KIF2A: variants seen among roughly 807,000 people sequenced by gnomAD.
The protein encoded by KIF2A is kinesin family member 2A.
Under a neutral mutation model 100.2 loss-of-function variants are expected in KIF2A, and 22 were observed. The ratio of observed to expected loss-of-function variants is 0.22; its 90% confidence interval spans 0.16 to 0.31. The LOEUF is 0.31. Ranked by LOEUF, KIF2A falls within the 10% of genes least tolerant of loss-of-function variation. The pLI is 1.00. For missense variants in KIF2A, 495 were observed against 898.7 expected, an observed-to-expected ratio of 0.55 and a Z score of 5.74; for synonymous variants, 268 against 285.9, an observed-to-expected ratio of 0.94 and a Z score of 0.63.
intron 1 of KIF2A, among the ~76,000 whole-genome samples, chr5:62,338,787 A>G (rs1747116120): frequency 6.6e-6 from 1 of 152,194 alleles, no homozygotes; most frequent in South Asian, 2.1e-4. Context: ...TGTAGAAAAT[A>G]TTTGCTATAC....
intron 1 of KIF2A, among the ~76,000 whole-genome samples, chr5:62,322,979 G>A (rs927168310): frequency 2.8e-5 from 4 of 143,368 alleles, no homozygotes; most frequent in East Asian, 2.0e-4. Flanking sequence ...TGAGAAAGCC[G>A]GGCGCAGTGA....
At chr5:62,368,743 C>G (rs1166310653) in intron 16 of KIF2A, among the ~76,000 whole-genome samples, 3 of 151,442 alleles carry the variant, frequency 2.0e-5, no homozygotes. Context: ...CACCACTGCA[C>G]TCTAGCCTGG....
chr5:62,387,874 G>A lies in KIF2A; in HGVS notation c.*2305G>A, dbSNP rs1742112328. ...TAGTAACATTTACTATGACTTTGAA[G>A]CCAGATTTCAAAATCTGGCTTTGTT... On this transcript the variant is annotated 3_prime_UTR_variant, in exon 21 of 21. Transcript: ENST00000407818. 6.6e-6 allele frequency: 1 copy of A among 151,888 alleles called. No homozygotes were observed. The highest frequency in any genetic ancestry group is 2.1e-4 in the South Asian group (1 of 4,818). The allele number at this position is 151,888 out of a possible 1,614,324, so 9.4% of individuals were successfully genotyped here.
chr5:62,339,270 A>AGCACTCATCACCAAGGGGATGGT (rs72438686), intron 1 of KIF2A, among the ~76,000 whole-genome samples: 20 of 150,918 alleles, frequency 1.3e-4, no homozygotes, highest in South Asian at 8.4e-4. Context: ...TCATGAGGAC[A>AGCACTCATCACCAAGGGGATGGT]GCACTCATCA....
rs1215736178 is a variant in KIF2A at position 62,390,296 on chromosome 5, A to C, written c.*4727A>C. Among the ~76,000 whole-genome samples, 1 of 152,212 alleles carries C rather than the reference A, an allele frequency of 6.6e-6. No homozygotes were observed. The highest frequency in any genetic ancestry group is 2.4e-5 in the African/African-American group (1 of 41,446). Reference sequence around the variant, plus strand: ...TTCATAAGACTTACTTGCTTAATTCAAGCAAAACAAATTTTGGTCTAAATT... The same window carrying C: ...TTCATAAGACTTACTTGCTTAATTCCAGCAAAACAAATTTTGGTCTAAATT... On this transcript the variant is annotated 3_prime_UTR_variant, in exon 21 of 21. Transcript: ENST00000407818.
chr5:62,339,047 T>G (rs1300731880), intron 1 of KIF2A, among the ~76,000 whole-genome samples: 1 of 152,230 alleles, frequency 6.6e-6, no homozygotes, highest in East Asian at 1.9e-4. Flanking sequence ...TACTGTGTGT[T>G]AGGCCCATCT....
At chr5:62,336,391 A>G (rs1028498815) in intron 1 of KIF2A, among the ~76,000 whole-genome samples, 1 of 152,196 alleles carries the variant, frequency 6.6e-6, no homozygotes, top group Non-Finnish European at 1.5e-5. Flanking sequence ...TGGTAGAAAT[A>G]CAGGGGTATT....
Position 62,353,520 on chromosome 5 carries a change from T to A in KIF2A, c.558+145T>A, listed in dbSNP as rs6886044. ...CTTAAATTGATATTGAGGAATAATATAAACTCTTGTGCAAATAAGTTACCG... is the reference window on the plus strand; with the variant it reads ...CTTAAATTGATATTGAGGAATAATAAAAACTCTTGTGCAAATAAGTTACCG... On this transcript the variant is annotated intron_variant, in intron 6 of 20. Transcript: ENST00000407818. 113,687 of 476,866 alleles carry A rather than the reference T, an allele frequency of 0.24. 14,130 individuals are homozygous for A. Among genetic ancestry groups the A allele is most frequent in the East Asian group, 0.27 (7,979 of 29,158 alleles). 29.5% of individuals were successfully genotyped at this position (476,866 alleles called of 1,614,324 possible). A position where few individuals can be genotyped will look rare whatever the true frequency, so the allele number is the denominator to read the frequency against.
intron 1 of KIF2A, 96 bp downstream of exon 1, chr5:62,306,632 C>T: frequency 2.9e-6 from 3 of 1,028,654 alleles, no homozygotes; most frequent in East Asian, 3.0e-5. Flanking sequence ...GATTGCTTCG[C>T]CGGGCTGTGG....
In KIF2A at chr5:62,306,207, C is replaced by G; in HGVS notation, c.-266C>G. On this transcript the variant is annotated 5_prime_UTR_variant, in exon 1 of 21. Transcript: ENST00000407818. ...CCGGCGGGCGGTGCGGGCCCTCCCA[C>G]TCTACCCCGCGCCGTCTCACGGCCC... 1 of 423,774 alleles carries G rather than the reference C, an allele frequency of 2.4e-6. No homozygotes were observed. Among genetic ancestry groups the G allele is most frequent in the East Asian group, 4.2e-5 (1 of 23,844 alleles). 26.3% of individuals were successfully genotyped at this position (423,774 alleles called of 1,614,324 possible).
chr5:62,316,365 C>CA (rs1745818846), intron 1 of KIF2A, among the ~76,000 whole-genome samples: 1 of 152,176 alleles, frequency 6.6e-6, no homozygotes, highest in Non-Finnish European at 1.5e-5. Flanking sequence ...AATGCAGCTG[C>CA]TCTTTTTTAC....
At chr5:62,308,178 G>C (rs957136824) in intron 1 of KIF2A, 7 of 372,768 alleles carry the variant, frequency 1.9e-5, no homozygotes, top group Admixed American at 1.6e-4. Context: ...AAATTATACC[G>C]CTTAGAGCTT....
At chr5:62,381,873 T>G (rs898147350) in intron 20 of KIF2A, among the ~76,000 whole-genome samples, 1 of 152,232 alleles carries the variant, frequency 6.6e-6, no homozygotes, top group Middle Eastern at 3.2e-3. Context: ...TCTGCCACTT[T>G]TTTTTAAATG....
chr5:62,360,774 C>T (rs1443544056), intron 9 of KIF2A, among the ~76,000 whole-genome samples: 1 of 151,944 alleles, frequency 6.6e-6, no homozygotes, highest in Non-Finnish European at 1.5e-5. Flanking sequence ...AATTCATTTT[C>T]CTACAAGCAC....
rs971907528 is a variant in KIF2A at position 62,390,264 on chromosome 5, T to C, written c.*4695T>C. Among the ~76,000 whole-genome samples, 6 of 152,224 alleles carry C rather than the reference T, an allele frequency of 3.9e-5. No homozygotes were observed. Among genetic ancestry groups the C allele is most frequent in the East Asian group, 1.9e-4 (1 of 5,194 alleles). On this transcript the variant is annotated 3_prime_UTR_variant, in exon 21 of 21. Transcript: ENST00000407818. ...ACCTGGGTAATTAATTGAAGCCTTA[T>C]TCTGTTTTCATAAGACTTACTTGCT...
At chr5:62,375,456 G>A (rs1741497234) in intron 18 of KIF2A, among the ~76,000 whole-genome samples, 1 of 152,130 alleles carries the variant, frequency 6.6e-6, no homozygotes, top group African/African-American at 2.4e-5. Flanking sequence ...ATATTCTGAG[G>A]TTTAAATAAT....
chr5:62,346,725 G>A (rs1747589360), intron 1 of KIF2A, among the ~76,000 whole-genome samples: 1 of 152,166 alleles, frequency 6.6e-6, no homozygotes, highest in Non-Finnish European at 1.5e-5. Context: ...AGGTAACAGA[G>A]CGAGACTGTC....
At chr5:62,345,306 T>G (rs1210476836) in intron 1 of KIF2A, among the ~76,000 whole-genome samples, 1 of 151,956 alleles carries the variant, frequency 6.6e-6, no homozygotes, top group Non-Finnish European at 1.5e-5. Context: ...GAGAATTGCT[T>G]GAACCCCAGA....
At chr5:62,326,838 A>G (rs980533939) in intron 1 of KIF2A, among the ~76,000 whole-genome samples, 1 of 152,164 alleles carries the variant, frequency 6.6e-6, no homozygotes, top group Non-Finnish European at 1.5e-5. Flanking sequence ...TTTACAAAAA[A>G]TACCAAAGGT....
Sources: gnomAD v4.1 joint callset for allele counts (sites outside exome capture counted in the v4.1 genomes callset) on GRCh38, gnomAD v4.1.1 for gene constraint, MANE v1.5 for transcripts, NCBI Gene and HGNC (gene_info 2026-07-23, HGNC 2026-07-21) for gene names.